BBX: variants seen among roughly 807,000 people sequenced by gnomAD.
The protein encoded by BBX is HMG box transcription factor BBX.
BBX carries 30 observed loss-of-function variants against 100.2 expected under a neutral mutation model. The ratio of observed to expected loss-of-function variants is 0.30; its 90% CI spans 0.22 to 0.41. The LOEUF (loss-of-function observed/expected upper bound fraction) is 0.41. Ranked by LOEUF, BBX falls within the 10% of genes least tolerant of loss-of-function variation. The pLI, the probability that BBX is intolerant of heterozygous loss-of-function variation, is 1.00. For synonymous variants in BBX, 376 were observed against 388.1 expected (o/e 0.97, Z 0.37); for missense variants, 1,023 against 1,129.8 (o/e 0.91, Z 1.35).
intron 2 of BBX, among the ~76,000 whole-genome samples, chr3:107,561,048 C>G (rs2050458293): frequency 6.6e-6 from 1 of 152,124 alleles, no homozygotes; most frequent in Non-Finnish European, 1.5e-5. Flanking sequence ...TAGTACCACT[C>G]TCATAGTCGT....
At chr3:107,751,931 A>G (rs926738211) in intron 9 of BBX, among the ~76,000 whole-genome samples, 22 of 152,226 alleles carry the variant, frequency 1.4e-4, no homozygotes, top group Non-Finnish European at 2.9e-5. Flanking sequence ...GTAGAGTGAC[A>G]CATCAGTTAC....
At chr3:107,681,963 G>A (rs2059593613) in intron 3 of BBX, among the ~76,000 whole-genome samples, 1 of 152,084 alleles carries the variant, frequency 6.6e-6, no homozygotes, top group Non-Finnish European at 1.5e-5. Context: ...CATGTTTTCA[G>A]CAGCTACTGA....
At chr3:107,533,831 T>C (rs1576198745) in intron 2 of BBX, among the ~76,000 whole-genome samples, 1 of 152,174 alleles carries the variant, frequency 6.6e-6, no homozygotes, top group African/African-American at 2.4e-5. Context: ...CATTTTTTTT[T>C]CCATCTATCA....
At chr3:107,752,592 T>G (rs60949138) in intron 9 of BBX, among the ~76,000 whole-genome samples, 2,652 of 152,246 alleles carry the variant, frequency 0.017, 73 homozygotes, top group African/African-American at 0.061. Flanking sequence ...AGCCATAAAA[T>G]TAGCAATTTA....
chr3:107,805,228 CA>C (rs2070963975), intron 17 of BBX, 141 bp from the exon 18 acceptor site: 1 of 984,038 alleles, frequency 1.0e-6, no homozygotes. Context: ...AACTCTAAAG[CA>C]AAAACAGTTT....
chr3:107,681,377 A>G (rs1559961210), intron 3 of BBX, among the ~76,000 whole-genome samples: 1 of 152,100 alleles, frequency 6.6e-6, no homozygotes, highest in Non-Finnish European at 1.5e-5. Context: ...TATATAGTGC[A>G]GTGATTTTCA....
At chr3:107,689,060 G>T (rs1365207602) in intron 3 of BBX, among the ~76,000 whole-genome samples, 1 of 152,064 alleles carries the variant, frequency 6.6e-6, no homozygotes, top group Non-Finnish European at 1.5e-5. Context: ...TTTCCCCCTA[G>T]AATCAGGGCG....
chr3:107,749,855 A>G (rs1012598442), intron 9 of BBX, among the ~76,000 whole-genome samples: 3 of 152,130 alleles, frequency 2.0e-5, no homozygotes, highest in Admixed American at 1.3e-4. Context: ...GCTGGTCACG[A>G]ACTCCTGACC....
intron 2 of BBX, among the ~76,000 whole-genome samples, chr3:107,589,002 T>A (rs898002384): frequency 6.6e-6 from 1 of 152,208 alleles, no homozygotes; most frequent in Non-Finnish European, 1.5e-5. Context: ...ATCTGTGTTG[T>A]CAAAATTAAG....
At chr3:107,786,873 A>T (rs2068484883) in intron 13 of BBX, among the ~76,000 whole-genome samples, 1 of 152,148 alleles carries the variant, frequency 6.6e-6, no homozygotes, top group Admixed American at 6.5e-5. Flanking sequence ...ATGGGAGAAA[A>T]TATTTGCAAA....
At chr3:107,559,245 T>C (rs1334350787) in intron 2 of BBX, among the ~76,000 whole-genome samples, 3 of 152,080 alleles carry the variant, frequency 2.0e-5, no homozygotes, top group East Asian at 3.9e-4. Flanking sequence ...AACAGATGAA[T>C]AGGGGAAATT....
At chr3:107,561,240 T>C (rs2050471611) in intron 2 of BBX, among the ~76,000 whole-genome samples, 1 of 152,190 alleles carries the variant, frequency 6.6e-6, no homozygotes, top group South Asian at 2.1e-4. Context: ...GAGAAACTGA[T>C]TTTTTAAACA....
intron 2 of BBX, among the ~76,000 whole-genome samples, chr3:107,645,400 A>T (rs2057456971): frequency 6.6e-6 from 1 of 152,162 alleles, no homozygotes; most frequent in Non-Finnish European, 1.5e-5. Flanking sequence ...TTAAAAGGCA[A>T]ATCATAAGTA....
chr3:107,801,331 C>G (rs2070446711), intron 17 of BBX, 50 bp downstream of exon 17: 2 of 1,570,728 alleles, frequency 1.3e-6, no homozygotes, highest in East Asian at 4.5e-5. Flanking sequence ...CCAGATCAAC[C>G]TCTTTGATGT....
At chr3:107,690,724 T>C (rs995910176) in intron 3 of BBX, among the ~76,000 whole-genome samples, 5 of 152,026 alleles carry the variant, frequency 3.3e-5, no homozygotes, top group African/African-American at 9.7e-5. Flanking sequence ...AGCAGACTTA[T>C]GTAAATTGGG....
intron 2 of BBX, among the ~76,000 whole-genome samples, chr3:107,539,314 CA>C (rs2048715114): frequency 6.6e-6 from 1 of 152,126 alleles, no homozygotes; most frequent in Non-Finnish European, 1.5e-5. Context: ...TAGTGACATA[CA>C]TATACCAAAT....
chr3:107,640,179 G>A (rs1422491418), intron 2 of BBX, among the ~76,000 whole-genome samples: 1 of 152,170 alleles, frequency 6.6e-6, no homozygotes, highest in African/African-American at 2.4e-5. Context: ...TTGCAGGGTA[G>A]TAAACCTAAG....
Position 107,809,161 on chromosome 3 carries a change from T to G in BBX, c.*3704T>G, listed in dbSNP as rs1316352086. The G allele has an allele frequency of 6.6e-6, 1 of 152,222 alleles. No homozygotes were observed. Among genetic ancestry groups the G allele is most frequent in the Non-Finnish European group, 1.5e-5 (1 of 68,030 alleles). The allele number at this position is 152,222 out of a possible 1,614,324, so 9.4% of individuals were successfully genotyped here. ...AAGTCACAAGCTAATTACAAATTGC[T>G]ACAGAACAGGAGTAAGCTGAAAACT... On this transcript the variant is annotated 3_prime_UTR_variant, in exon 18 of 18. Coordinates refer to ENST00000325805, the MANE Select transcript of BBX (RefSeq NM_001142568.3).
rs189334030 is a variant in BBX at position 107,617,882 on chromosome 3, T to C, written c.-83-27954T>C. 8.5e-3 allele frequency among the ~76,000 whole-genome samples: 1,296 copies of C among 152,150 alleles called. 28 individuals are homozygous for C. Among genetic ancestry groups the C allele is most frequent in the African/African-American group, 0.03 (1,234 of 41,514 alleles). On this transcript the variant is annotated intron_variant, in intron 2 of 17. Transcript: ENST00000325805. ...TTTCAGGTCTGTATGCCTTTTTTTT[T>C]CCTTGACTTATTGCACTGGCTTGCA...
Sources: allele counts gnomAD v4.1 joint callset (sites outside exome capture counted in the v4.1 genomes callset), GRCh38; gene constraint gnomAD v4.1.1; transcripts MANE v1.5; gene names NCBI Gene and HGNC (gene_info 2026-07-23, HGNC 2026-07-21).